ACTR2: variants seen among roughly 807,000 people sequenced by gnomAD.
The protein encoded by ACTR2 is actin related protein 2, also known as actin-related protein 2.
In ACTR2, 5 loss-of-function variants were observed where a neutral mutation model predicts 50.2. That is an observed-to-expected ratio of 0.10 (90% CI 0.05 to 0.21). The LOEUF (loss-of-function observed/expected upper bound fraction) is 0.21, where lower values mean the gene tolerates loss of function less well. ACTR2 is among the 10% of genes least tolerant of loss of function. The pLI is 1.00. For missense variants in ACTR2, 180 were observed against 480.6 expected (o/e 0.37, Z 5.85); for synonymous variants, 140 against 162.9 (o/e 0.86, Z 1.07).
chr2:65,263,176 G>C lies in ACTR2; in HGVS notation c.881+1784G>C, dbSNP rs1237943208. 2.0e-5 allele frequency among the ~76,000 whole-genome samples: 3 copies of C among 150,842 alleles called. No individual in the cohort carries two copies. The South Asian group carries it at 6.3e-4, about 31-fold the overall frequency. On this transcript the variant is annotated intron_variant, in intron 7 of 8. Coordinates refer to ENST00000260641, the MANE Select transcript of ACTR2 (RefSeq NM_005722.4). ...CTCCCAAGTAGCTGGAATTGCAGAC[G>C]TGAGCCACCACGCCCAGCCTTAAGG... is the stretch of plus-strand genomic sequence containing the variant.
At chr2:65,233,067 T>C (rs1671670271) in intron 1 of ACTR2, among the ~76,000 whole-genome samples, 1 of 151,928 alleles carries the variant, frequency 6.6e-6, no homozygotes, top group South Asian at 2.1e-4. Context: ...TGATTTTGGC[T>C]TACTGCAGCC....
At chr2:65,252,006 G>A (rs77550920) in intron 4 of ACTR2, among the ~76,000 whole-genome samples, 1,579 of 151,982 alleles carry the variant, frequency 0.01, 38 homozygotes, top group African/African-American at 0.036. Flanking sequence ...GTGCCAAGGA[G>A]TCTTTTAGGC....
intron 6 of ACTR2, among the ~76,000 whole-genome samples, chr2:65,259,986 G>A (rs977816967): frequency 1.3e-5 from 2 of 152,032 alleles, no homozygotes; most frequent in African/African-American, 4.8e-5. Context: ...AATCTTATTT[G>A]CTTAAATTGA....
At chr2:65,258,623 T>C (rs1441147581) in intron 6 of ACTR2, among the ~76,000 whole-genome samples, 2 of 152,218 alleles carry the variant, frequency 1.3e-5, no homozygotes, top group African/African-American at 2.4e-5. Flanking sequence ...ATATTTGATA[T>C]ATATATGCAC....
intron 6 of ACTR2, among the ~76,000 whole-genome samples, chr2:65,259,603 C>A (rs1208144297): frequency 6.6e-6 from 1 of 151,886 alleles, no homozygotes; most frequent in African/African-American, 2.4e-5. Flanking sequence ...GTGGCACATG[C>A]CTGTAATCTC....
In ACTR2 at chr2:65,270,017, G is replaced by T. The variant is rs1672461725; in HGVS notation, c.*1283G>T. ...CTTTGGTATTTTGTAAACGTTAGCA[G>T]ACTTTCCTGCCAGTGTCAGAAAATC... On this transcript the variant is annotated 3_prime_UTR_variant, in exon 9 of 9. Transcript: ENST00000260641. 6.6e-6 allele frequency: 1 copy of T among 152,144 alleles called. No individual in the cohort carries two copies. Among genetic ancestry groups the T allele is most frequent in the African/African-American group, 2.4e-5 (1 of 41,418 alleles). The allele number at this position is 152,144 out of a possible 1,614,324, so 9.4% of individuals were successfully genotyped here.
intron 1 of ACTR2, among the ~76,000 whole-genome samples, chr2:65,234,682 T>A (rs1472304117): frequency 2.0e-5 from 3 of 152,138 alleles, no homozygotes; most frequent in Non-Finnish European, 2.9e-5. Flanking sequence ...AGCAGCCTCT[T>A]CCCTGCACTA....
chr2:65,255,724 T>G, intron 6 of ACTR2, 30 bp downstream of exon 6: 1 of 1,565,072 alleles, frequency 6.4e-7, no homozygotes, highest in Non-Finnish European at 8.7e-7. Context: ...AATATATATG[T>G]GTTTTAAAGT....
chr2:65,246,830 TA>T, intron 3 of ACTR2, 91 bp downstream of exon 3: 1 of 936,644 alleles, frequency 1.1e-6, no homozygotes, highest in Non-Finnish European at 1.6e-6. Flanking sequence ...ATAAAGAGAA[TA>T]AAAATAATTG....
At chr2:65,250,257 G>A (rs561676974) in intron 3 of ACTR2, among the ~76,000 whole-genome samples, 24 of 151,470 alleles carry the variant, frequency 1.6e-4, no homozygotes, top group Admixed American at 1.1e-3. Context: ...CCAGCTACTC[G>A]GGAGGCTGAG....
intron 4 of ACTR2, among the ~76,000 whole-genome samples, chr2:65,253,272 T>G (rs1019822343): frequency 6.6e-6 from 1 of 152,032 alleles, no homozygotes; most frequent in African/African-American, 2.4e-5. Context: ...AAACTCTGTC[T>G]CTACAAAAAA....
intron 1 of ACTR2, among the ~76,000 whole-genome samples, chr2:65,238,324 T>A (rs537100430): frequency 5.9e-5 from 9 of 152,228 alleles, no homozygotes; most frequent in Non-Finnish European, 1.3e-4. Flanking sequence ...GAGAATGAAA[T>A]TATGTTACCC....
At chr2:65,251,304 TAAAAA>T (rs34710706) in intron 4 of ACTR2, among the ~76,000 whole-genome samples, 2 of 151,066 alleles carry the variant, frequency 1.3e-5, no homozygotes, top group African/African-American at 4.9e-5. Flanking sequence ...GTATTTAAGG[TAAAAA>T]AAAAAGGCTT....
Position 65,246,557 on chromosome 2 carries a change from C to A in ACTR2, c.193C>A (p.Arg65=). 6.2e-7 allele frequency: 1 copy of A among 1,609,784 alleles called. No homozygotes were observed. The highest frequency in any genetic ancestry group is 1.7e-5 in the Admixed American group (1 of 58,998). ...GGTTGGTGATGAGGCAAGTGAATTA[C>A]GATCAATGTTAGAAGTTAACTACCC... is the stretch of plus-strand genomic sequence containing the variant. ...LMVGDEASEL[R]SMLEVNYPME... is the part of the protein sequence containing the mutation. Residue 65 remains arginine, a synonymous_variant, in exon 3 of 9, where the codon CGA becomes AGA. Transcript: ENST00000260641.
intron 3 of ACTR2, among the ~76,000 whole-genome samples, chr2:65,247,939 G>GTAT (rs1464846715): frequency 6.6e-6 from 1 of 152,178 alleles, no homozygotes; most frequent in Non-Finnish European, 1.5e-5. Context: ...GTTAGCCAGG[G>GTAT]TATATAGGAG....
intron 3 of ACTR2, among the ~76,000 whole-genome samples, chr2:65,247,627 A>G (rs569576624): frequency 6.6e-6 from 1 of 152,312 alleles, no homozygotes; most frequent in East Asian, 1.9e-4. Context: ...TACATTTACT[A>G]TACCTTAAGT....
chr2:65,243,306 G>A (rs1480236183), intron 2 of ACTR2, among the ~76,000 whole-genome samples: 6 of 151,390 alleles, frequency 4.0e-5, no homozygotes, highest in African/African-American at 1.2e-4. Context: ...GAAAGAGTGC[G>A]CTTGTAGAGA....
rs1434181534 is a variant in ACTR2 at position 65,248,649 on chromosome 2, T to TA, written c.375+1911dup. ...GTTTTGAAGGTAGGGCTATAAATGA[T>TA]ACGGTTCAACAAAGAAGAGGGTAGA... On this transcript the variant is annotated intron_variant, in intron 3 of 8. Transcript: ENST00000260641. Among the ~76,000 whole-genome samples, 14 of 152,102 alleles carry TA rather than the reference T, an allele frequency of 9.2e-5. No individual in the cohort carries two copies. In the South Asian group the frequency reaches 1.2e-3, roughly 14 times the overall value.
intron 8 of ACTR2, among the ~76,000 whole-genome samples, chr2:65,266,454 G>GGGCAGGTGGGATATGAGGTCAGAAGGGT (rs1558630498): frequency 6.6e-6 from 1 of 152,106 alleles, no homozygotes; most frequent in Non-Finnish European, 1.5e-5. Context: ...CAAGGGAGGG[G>GGGCAGGTGGGATATGAGGTCAGAAGGGT]GGCAGGTGGG....
Sources: allele counts gnomAD v4.1 joint callset (sites outside exome capture counted in the v4.1 genomes callset), GRCh38; gene constraint gnomAD v4.1.1; transcripts MANE v1.5; gene names NCBI Gene and HGNC (gene_info 2026-07-23, HGNC 2026-07-21).